The following NPAS3 variants were observed in gnomAD, a reference collection of about 807,000 sequenced individuals.
The protein encoded by NPAS3 is neuronal PAS domain protein 3.
A neutral mutation model predicts 73.1 loss-of-function variants in NPAS3; 14 were observed. That is an observed-to-expected ratio of 0.19 (90% CI 0.13 to 0.30). The LOEUF (loss-of-function observed/expected upper bound fraction) is 0.30. NPAS3 is among the 10% of genes least tolerant of loss of function. The pLI, the probability that NPAS3 is intolerant of heterozygous loss-of-function variation, is 1.00. For synonymous variants in NPAS3, 620 were observed against 541.5 expected, an observed-to-expected ratio of 1.14 and a Z score of -2.01; for missense variants, 1,096 against 1,250.0, an observed-to-expected ratio of 0.88 and a Z score of 1.86.
At chr14:33,331,155 A>G (rs932059816) in intron 3 of NPAS3, among the ~76,000 whole-genome samples, 5 of 152,180 alleles carry the variant, frequency 3.3e-5, no homozygotes, top group Non-Finnish European at 5.9e-5. Context: ...TCATCTTATC[A>G]GGGTAAGATC....
At chr14:33,594,643 T>C (rs1690607349) in intron 5 of NPAS3, among the ~76,000 whole-genome samples, 1 of 152,188 alleles carries the variant, frequency 6.6e-6, no homozygotes, top group Admixed American at 6.5e-5. Context: ...GAAGCACTGA[T>C]GCTCTTTAGT....
intron 5 of NPAS3, among the ~76,000 whole-genome samples, chr14:33,574,521 T>C (rs1023416931): frequency 3.9e-5 from 6 of 152,146 alleles, no homozygotes; most frequent in South Asian, 2.1e-4. Flanking sequence ...GAGGTCCAAA[T>C]GTATTCAACA....
At chr14:33,798,502 G>A (rs1399366170) in intron 11 of NPAS3, among the ~76,000 whole-genome samples, 1 of 152,114 alleles carries the variant, frequency 6.6e-6, no homozygotes, top group Non-Finnish European at 1.5e-5. Context: ...TTCAGACGCT[G>A]TGTTACTGGA....
chr14:33,248,019 G>A (rs760866624), intron 3 of NPAS3, among the ~76,000 whole-genome samples: 10 of 152,180 alleles, frequency 6.6e-5, no homozygotes, highest in Admixed American at 1.3e-4. Flanking sequence ...TGGCAAAATT[G>A]TGATGAAGGC....
At chr14:32,957,323 CTT>C (rs1407966814) in intron 1 of NPAS3, among the ~76,000 whole-genome samples, 4 of 150,608 alleles carry the variant, frequency 2.7e-5, no homozygotes, top group African/African-American at 9.7e-5. Context: ...TAATTTGTAA[CTT>C]ATCTTTGATA....
intron 7 of NPAS3, among the ~76,000 whole-genome samples, chr14:33,767,456 T>C (rs952853007): frequency 1.2e-4 from 19 of 152,018 alleles, no homozygotes; most frequent in African/African-American, 4.1e-4. Flanking sequence ...ACGATCTGTA[T>C]GCTAAACCAG....
At chr14:33,208,889 T>A (rs933711146) in intron 2 of NPAS3, among the ~76,000 whole-genome samples, 3 of 152,206 alleles carry the variant, frequency 2.0e-5, no homozygotes, top group Non-Finnish European at 4.4e-5. Flanking sequence ...GACGTGTTTC[T>A]GCAGTGATGA....
At chr14:33,525,823 TGA>T (rs1433988850) in intron 4 of NPAS3, among the ~76,000 whole-genome samples, 1 of 152,170 alleles carries the variant, frequency 6.6e-6, no homozygotes, top group Non-Finnish European at 1.5e-5. Flanking sequence ...AGGTAGGGTC[TGA>T]TCAGGAACCG....
intron 7 of NPAS3, among the ~76,000 whole-genome samples, chr14:33,751,446 C>G (rs951968638): frequency 6.6e-6 from 1 of 151,922 alleles, no homozygotes; most frequent in Non-Finnish European, 1.5e-5. Context: ...ATCCTAGAAC[C>G]AGTAACTCAA....
At chr14:33,430,547 G>A (rs939259642) in intron 4 of NPAS3, among the ~76,000 whole-genome samples, 3 of 151,890 alleles carry the variant, frequency 2.0e-5, no homozygotes, top group Non-Finnish European at 2.9e-5. Context: ...TCCCACTCCC[G>A]GGGTGTCTGC....
Position 33,093,669 on chromosome 14 carries a change from C to T in NPAS3, c.140+37675C>T, listed in dbSNP as rs1351507582. 5.3e-5 allele frequency among the ~76,000 whole-genome samples: 8 copies of T among 152,052 alleles called. No homozygotes were observed. The East Asian group carries it at 7.7e-4, about 15-fold the overall frequency. On this transcript the variant is annotated intron_variant, in intron 2 of 11. Coordinates refer to ENST00000356141, the Ensembl canonical transcript of NPAS3. Reference sequence around the variant, plus strand: ...ATGCTGCTATGAAGACACATGCACACGTATGTTTATTGGGGCACTATTCAC... The same window carrying T: ...ATGCTGCTATGAAGACACATGCACATGTATGTTTATTGGGGCACTATTCAC...
intron 3 of NPAS3, among the ~76,000 whole-genome samples, chr14:33,318,054 C>T (rs1355574494): frequency 6.6e-6 from 1 of 151,956 alleles, no homozygotes; most frequent in African/African-American, 2.4e-5. Context: ...GTCCTTATAA[C>T]AGCATTATTC....
At chr14:33,744,604 A>C (rs534749898) in intron 7 of NPAS3, among the ~76,000 whole-genome samples, 1 of 152,010 alleles carries the variant, frequency 6.6e-6, no homozygotes, top group Non-Finnish European at 1.5e-5. Context: ...CCTGAGCAAC[A>C]TGGCGAAACC....
At chr14:33,189,379 G>T (rs954817699) in intron 2 of NPAS3, among the ~76,000 whole-genome samples, 3 of 152,206 alleles carry the variant, frequency 2.0e-5, no homozygotes, top group African/African-American at 7.2e-5. Flanking sequence ...ATCATGCATT[G>T]TGTACTAAGC....
chr14:33,591,931 C>G (rs905007503), intron 5 of NPAS3, among the ~76,000 whole-genome samples: 3 of 152,194 alleles, frequency 2.0e-5, no homozygotes, highest in Non-Finnish European at 4.4e-5. Context: ...TTGAGAATCT[C>G]TTACTCCCCA....
intron 11 of NPAS3, among the ~76,000 whole-genome samples, chr14:33,799,365 A>C (rs1041637299): frequency 6.6e-6 from 1 of 152,102 alleles, no homozygotes; most frequent in Admixed American, 6.5e-5. Flanking sequence ...CTTCCTGAGT[A>C]TCTTTGTGGG....
At chr14:33,564,489 C>T (rs565620227) in intron 5 of NPAS3, among the ~76,000 whole-genome samples, 64 of 152,338 alleles carry the variant, frequency 4.2e-4, no homozygotes, top group African/African-American at 1.4e-3. Context: ...GCCCATTCCC[C>T]GCCAGCCATA....
chr14:33,327,501 G>C (rs1319138594), intron 3 of NPAS3, among the ~76,000 whole-genome samples: 2 of 152,112 alleles, frequency 1.3e-5, no homozygotes, highest in African/African-American at 4.8e-5. Flanking sequence ...TGTTCCTCTG[G>C]GATATGGTGC....
At chr14:33,217,270 C>A (rs1302377028) in intron 3 of NPAS3, among the ~76,000 whole-genome samples, 4 of 152,052 alleles carry the variant, frequency 2.6e-5, no homozygotes, top group Non-Finnish European at 5.9e-5. Flanking sequence ...ATTATTAATG[C>A]AATTAGAGAC....
Sources: gnomAD v4.1 joint callset for allele counts (sites outside exome capture counted in the v4.1 genomes callset) on GRCh38, gnomAD v4.1.1 for gene constraint, MANE v1.5 for transcripts, NCBI Gene and HGNC (gene_info 2026-07-23, HGNC 2026-07-21) for gene names.